XRN1: variants seen among roughly 807,000 people sequenced by gnomAD.
XRN1 encodes strand-exchange protein 1 homolog.
A neutral mutation model predicts 222.3 loss-of-function variants in XRN1; 67 were observed. The observed-to-expected ratio is 0.30, with a 90% CI of 0.25 to 0.37. The LOEUF (loss-of-function observed/expected upper bound fraction) is 0.37, where lower values mean the gene tolerates loss of function less well. XRN1 is among the 10% of genes least tolerant of loss of function. The pLI is 1.00. For missense variants in XRN1, 1,707 were observed against 2,000.2 expected (o/e 0.85, Z 2.80); for synonymous variants, 643 against 652.4 (o/e 0.99, Z 0.22).
At chr3:142,364,895 G>T in intron 29 of XRN1, 152 bp downstream of exon 29, 2 of 795,874 alleles carry the variant, frequency 2.5e-6, no homozygotes, top group Non-Finnish European at 3.6e-6. Flanking sequence ...TCTCTGAAAA[G>T]TATAACCTAA....
rs1334103459 is a variant in XRN1, at chr3:142,427,617, T to G, written c.309-776A>C. On this transcript the variant is annotated intron_variant, in intron 2 of 40. Coordinates refer to ENST00000392981, the MANE Select transcript of XRN1 (RefSeq NM_001282857.2). ...TATAAAATTGAAATATCTATCTTTG[T>G]GTTTCCTAAAAACATTTAAAATGAA... is the stretch of plus-strand genomic sequence containing the variant. Among the ~76,000 whole-genome samples the G allele has an allele frequency of 2.6e-5, 4 of 152,366 alleles. No individual in the cohort carries two copies. In the East Asian group the frequency reaches 5.8e-4, roughly 22 times the overall value.
At chr3:142,367,438 AT>A (rs771531439) in intron 27 of XRN1, among the ~76,000 whole-genome samples, 3 of 152,200 alleles carry the variant, frequency 2.0e-5, no homozygotes, top group Admixed American at 6.5e-5. Context: ...CCAGAATTTT[AT>A]TCTAATTTTA....
Position 142,443,178 on chromosome 3 carries a change from T to C in XRN1, c.75+4692A>G, listed in dbSNP as rs183396001. 3.1e-4 allele frequency among the ~76,000 whole-genome samples: 47 copies of C among 152,230 alleles called. No homozygotes were observed. The East Asian group carries it at 8.3e-3, about 27-fold the overall frequency. ...ACCCCTGGACCGGCCTGTTAGCCCA[T>C]GCGCTGATGTTAATGACATCAAAGG... On this transcript the variant is annotated intron_variant, in intron 1 of 40. Transcript: ENST00000392981.
intron 33 of XRN1, among the ~76,000 whole-genome samples, 179 bp from the exon 34 acceptor site, chr3:142,335,688 T>C (rs2065834294): frequency 6.6e-6 from 1 of 151,986 alleles, no homozygotes; most frequent in Non-Finnish European, 1.5e-5. Context: ...TAGATAATAA[T>C]AGAGAAAATG....
chr3:142,319,717 T>C (rs2065298699), intron 37 of XRN1, among the ~76,000 whole-genome samples: 2 of 152,168 alleles, frequency 1.3e-5, no homozygotes. Context: ...TTCCACTCTG[T>C]ATGTCCATGT....
intron 37 of XRN1, among the ~76,000 whole-genome samples, chr3:142,324,703 G>T (rs1312680802): frequency 6.6e-6 from 1 of 151,858 alleles, no homozygotes; most frequent in Non-Finnish European, 1.5e-5. Context: ...CTAGTTTACA[G>T]TCCCAACAAC....
chr3:142,352,573 ATT>A (rs1447582854), intron 32 of XRN1, among the ~76,000 whole-genome samples: 1 of 152,118 alleles, frequency 6.6e-6, no homozygotes, highest in African/African-American at 2.4e-5. Flanking sequence ...TAATGCCACC[ATT>A]ACTGCAGGAC....
At chr3:142,400,916 C>A (rs2108017969) in intron 18 of XRN1, among the ~76,000 whole-genome samples, 1 of 151,332 alleles carries the variant, frequency 6.6e-6, no homozygotes, top group South Asian at 2.1e-4. Context: ...GACTCCGTCT[C>A]AAAAATAAAT....
intron 9 of XRN1, 29 bp downstream of exon 9, chr3:142,421,447 C>T (rs2069029103): frequency 6.3e-7 from 1 of 1,582,688 alleles, no homozygotes; most frequent in East Asian, 2.3e-5. Context: ...TACTCTGCGA[C>T]AGGAAACCAA....
At chr3:142,319,864 A>G (rs917076174) in intron 37 of XRN1, among the ~76,000 whole-genome samples, 1 of 152,018 alleles carries the variant, frequency 6.6e-6, no homozygotes, top group Non-Finnish European at 1.5e-5. Context: ...GCTGGATAAT[A>G]TTACATGGTG....
intron 15 of XRN1, 102 bp from the exon 16 acceptor site, chr3:142,405,178 G>A: frequency 8.1e-7 from 1 of 1,233,360 alleles, no homozygotes; most frequent in Non-Finnish European, 1.1e-6. Context: ...AACCATTTGT[G>A]CTCTTGAAAA....
chr3:142,364,723 G>A (rs772853514), intron 29 of XRN1, among the ~76,000 whole-genome samples: 3 of 152,018 alleles, frequency 2.0e-5, no homozygotes, highest in Non-Finnish European at 4.4e-5. Flanking sequence ...CTCAGGAGAA[G>A]CAATGAAAAT....
chr3:142,439,725 G>A (rs758855585), intron 1 of XRN1, among the ~76,000 whole-genome samples: 1 of 150,502 alleles, frequency 6.6e-6, no homozygotes, highest in Non-Finnish European at 1.5e-5. Flanking sequence ...ATCAGGAGGA[G>A]CAGGCGGAAC....
In XRN1 at chr3:142,395,161, CA is replaced by C. The variant is rs374257372; in HGVS notation, c.2339+2167del. ...CAAAAATCACAAATAAGTAAACCCT[CA>C]GGGGCAGAGCAACAGTAATCTTGTG... On this transcript the variant is annotated intron_variant, in intron 20 of 40. Coordinates refer to ENST00000392981, the MANE Select transcript of XRN1 (RefSeq NM_001282857.2). Among the ~76,000 whole-genome samples, 345 of 152,242 alleles carry C rather than the reference CA, an allele frequency of 2.3e-3. 1 individual carries two copies. Among genetic ancestry groups the C allele is most frequent in the African/African-American group, 7.9e-3 (330 of 41,540 alleles).
intron 39 of XRN1, among the ~76,000 whole-genome samples, chr3:142,314,999 A>C (rs1407849630): frequency 6.8e-6 from 1 of 146,664 alleles, no homozygotes; most frequent in Non-Finnish European, 1.5e-5. Context: ...CAGTGGCACA[A>C]TCTTGGCTCA....
At chr3:142,377,192 C>A (rs2067169570) in intron 23 of XRN1, among the ~76,000 whole-genome samples, 1 of 148,638 alleles carries the variant, frequency 6.7e-6, no homozygotes, top group Non-Finnish European at 1.5e-5. Flanking sequence ...AATTTATATA[C>A]TTAAGGGAAG....
chr3:142,416,442 C>T (rs1317289817), intron 13 of XRN1, among the ~76,000 whole-genome samples: 1 of 152,128 alleles, frequency 6.6e-6, no homozygotes, highest in African/African-American at 2.4e-5. Flanking sequence ...CCTTGGCCTC[C>T]CAAAGCGATG....
chr3:142,329,864 C>T (rs944833288), intron 36 of XRN1, among the ~76,000 whole-genome samples: 1 of 152,164 alleles, frequency 6.6e-6, no homozygotes, highest in African/African-American at 2.4e-5. Flanking sequence ...TCTGGCCACG[C>T]ACCTTATAAA....
At chr3:142,418,723 C>A (rs1347325098) in intron 11 of XRN1, 92 bp downstream of exon 11, 3 of 1,493,604 alleles carry the variant, frequency 2.0e-6, no homozygotes, top group Admixed American at 3.6e-5. Flanking sequence ...TCACAGAAAT[C>A]TGTTCCACCC....
Sources: gnomAD v4.1 joint callset for allele counts (sites outside exome capture counted in the v4.1 genomes callset) on GRCh38, gnomAD v4.1.1 for gene constraint, MANE v1.5 for transcripts, NCBI Gene and HGNC (gene_info 2026-07-23, HGNC 2026-07-21) for gene names.